Variants in TPPP3 observed in about 807,000 individuals in gnomAD.
The protein encoded by TPPP3 is tubulin polymerization promoting protein family member 3.
Under a neutral mutation model 13.1 loss-of-function variants are expected in TPPP3, and 7 were observed. That is an observed-to-expected ratio of 0.54 (90% CI 0.30 to 1.01). The LOEUF is 1.01. Among genes scored for constraint, TPPP3 ranks in the 50% least tolerant of loss-of-function variants. The pLI is 0.06. For missense variants in TPPP3, 185 were observed against 235.0 expected (o/e 0.79, Z 1.39); for synonymous variants, 87 against 93.7 (o/e 0.93, Z 0.41).
Position 67,390,245 on chromosome 16 carries a change from T to C in TPPP3, c.460A>G (p.Ile154Val). The part of the protein sequence containing the change: ...KGKGIAGRQD[I>V]LDDSGYVSAY... ...CTCACGTAGCCACTGTCGTCCAGGA[T>C]GTCCTGCCGTCCCGCAATGCCCTTG... Residue 154 changes from isoleucine to valine, a missense_variant, in exon 4 of 4, where the codon ATC becomes GTC. By Grantham distance (29) the Ile-to-Val change is conservative (BLOSUM62 3). Coordinates refer to ENST00000393957, the MANE Select transcript of TPPP3 (RefSeq NM_015964.4). The surrounding 1 kb of genome is among the most constrained non-coding windows in gnomAD (Gnocchi z 6.4). 6.2e-7 allele frequency: 1 copy of C among 1,614,234 alleles called. No individual in the cohort carries two copies. Among genetic ancestry groups the C allele is most frequent in the Non-Finnish European group, 8.5e-7 (1 of 1,180,036 alleles).
rs1368386227 is a variant in TPPP3 at position 67,393,073 on chromosome 16, C to T, written c.-7+307G>A. ...AAAGATGGATTCTTGGTCATCTCAG[C>T]GCGGTCAGGTGGCGCTGGGTTGCAG... On this transcript the variant is annotated intron_variant, in intron 1 of 3. Coordinates refer to ENST00000393957, the MANE Select transcript of TPPP3 (RefSeq NM_015964.4). The surrounding 1 kb of genome is among the most constrained non-coding windows in gnomAD (Gnocchi z 5.4). 6 of 978,566 alleles carry T rather than the reference C, an allele frequency of 6.1e-6. No individual in the cohort carries two copies. The highest frequency in any genetic ancestry group is 6.1e-6 in the Non-Finnish European group (5 of 823,790). 60.6% of individuals were successfully genotyped at this position (978,566 alleles called of 1,614,324 possible).
In TPPP3 at chr16:67,391,436, G is replaced by A; in HGVS notation, c.-6-319C>T. ...CTGTTAGGGCAGCAGCTGGGGCCCT[G>A]GCTTTGTCTGGCCCTGGCACAAGGC... is the stretch of plus-strand genomic sequence containing the variant. On this transcript the variant is annotated intron_variant, in intron 1 of 3. Transcript: ENST00000393957. This position sits in a 1 kb window ranked among gnomAD's most constrained non-coding sequence, Gnocchi z 6.3. The A allele has an allele frequency of 3.9e-6, 1 of 255,646 alleles. No homozygotes were observed. Among genetic ancestry groups the A allele is most frequent in the Non-Finnish European group, 7.5e-6 (1 of 133,168 alleles). The allele number at this position is 255,646 out of a possible 1,614,324, so 15.8% of individuals were successfully genotyped here. A position where few individuals can be genotyped will look rare whatever the true frequency, so the allele number is the denominator to read the frequency against.
In TPPP3 at chr16:67,392,363, A is replaced by C. The variant is rs577770338; in HGVS notation, c.-7+1017T>G. Among the ~76,000 whole-genome samples, 1 of 151,318 alleles carries C rather than the reference A, an allele frequency of 6.6e-6. No homozygotes were observed. The highest frequency in any genetic ancestry group is 2.0e-4 in the East Asian group (1 of 5,120). ...ACCCCTGGCCACACCCTGAGCCTAC[A>C]CAGCAGCCTTCTCCATCCCCACACC... On this transcript the variant is annotated intron_variant, in intron 1 of 3. Coordinates refer to ENST00000393957, the MANE Select transcript of TPPP3 (RefSeq NM_015964.4). This position sits in a 1 kb window ranked among gnomAD's most constrained non-coding sequence, Gnocchi z 4.9.
chr16:67,392,647 C>T lies in TPPP3; in HGVS notation c.-7+733G>A, dbSNP rs1043211782. Among the ~76,000 whole-genome samples, 4 of 152,128 alleles carry T rather than the reference C, an allele frequency of 2.6e-5. No homozygotes were observed. The highest frequency in any genetic ancestry group is 2.6e-4 in the Admixed American group (4 of 15,274). ...GGAGATCCCCTGCGTAGAGACCTCC[C>T]CACCACATCCCCCTCCTCCACTGCC... On this transcript the variant is annotated intron_variant, in intron 1 of 3. Coordinates refer to ENST00000393957, the MANE Select transcript of TPPP3 (RefSeq NM_015964.4). This position sits in a 1 kb window ranked among gnomAD's most constrained non-coding sequence, Gnocchi z 4.9.
At position 67,390,943 on chromosome 16, in the gene TPPP3, T is replaced by C. The variant is rs988062679; in HGVS notation, c.169A>G (p.Ile57Val). The change falls in exon 2 of 4, where the codon ATC becomes GTC. Residue 57 changes from isoleucine to valine, a missense_variant. Coordinates refer to ENST00000393957, the MANE Select transcript of TPPP3 (RefSeq NM_015964.4). This position sits in a 1 kb window ranked among gnomAD's most constrained non-coding sequence, Gnocchi z 6.4. ...GKSVTGTDVD[I>V]VFSKVKGKSA... Reference sequence around the variant, plus strand: ...GCTCACTTGACTTTGGAGAAGACGATGTCCACATCGGTCCCTGTCACGGAC... The same window carrying C: ...GCTCACTTGACTTTGGAGAAGACGACGTCCACATCGGTCCCTGTCACGGAC... The C allele has an allele frequency of 1.2e-6, 2 of 1,614,006 alleles. No individual in the cohort carries two copies. The highest frequency in any genetic ancestry group is 2.7e-5 in the African/African-American group (2 of 74,928).
rs568157394 is a variant in TPPP3, at chr16:67,391,274, C to T, written c.-6-157G>A. 1.1e-4 allele frequency: 82 copies of T among 727,104 alleles called. No homozygotes were observed. Among genetic ancestry groups the T allele is most frequent in the African/African-American group, 6.2e-4 (35 of 56,394 alleles). The allele number at this position is 727,104 out of a possible 1,614,324, so 45.0% of individuals were successfully genotyped here. ...CCTGGGGAGAGGGGCCCGTCACTGT[C>T]GCCCTGGGCCACAGAGCCCCAAGGA... On this transcript the variant is annotated intron_variant, in intron 1 of 3. Coordinates refer to ENST00000393957, the MANE Select transcript of TPPP3 (RefSeq NM_015964.4). This position sits in a 1 kb window ranked among gnomAD's most constrained non-coding sequence, Gnocchi z 6.3.
Position 67,393,492 on chromosome 16 carries a change from T to C in TPPP3, c.-119A>G. ...GCTCCGCTCCCTGCCGGCTCCCGGGTGGGACTGCAGCCCAGGCGGCTCCGC... is the reference window on the plus strand; with the variant it reads ...GCTCCGCTCCCTGCCGGCTCCCGGGCGGGACTGCAGCCCAGGCGGCTCCGC... On this transcript the variant is annotated 5_prime_UTR_variant, in exon 1 of 4. Coordinates refer to ENST00000393957, the MANE Select transcript of TPPP3 (RefSeq NM_015964.4). The surrounding 1 kb of genome is among the most constrained non-coding windows in gnomAD (Gnocchi z 5.4). 1.0e-6 allele frequency: 1 copy of C among 985,396 alleles called. No homozygotes were observed. Among genetic ancestry groups the C allele is most frequent in the Non-Finnish European group, 1.2e-6 (1 of 830,002 alleles). 61.0% of individuals were successfully genotyped at this position (985,396 alleles called of 1,614,324 possible). A position where few individuals can be genotyped will look rare whatever the true frequency, so the allele number is the denominator to read the frequency against.
Position 67,390,659 on chromosome 16 carries a change from G to T in TPPP3, c.189-27C>A, listed in dbSNP as rs1408734194. The T allele has an allele frequency of 1.3e-6, 2 of 1,586,642 alleles. No individual in the cohort carries two copies. The highest frequency in any genetic ancestry group is 1.7e-6 in the Non-Finnish European group (2 of 1,169,562). Reference sequence around the variant, plus strand: ...TGACAGGCATGTGGGCACCATGAGGGTTCCCCTTTCTTTTTTCTCCCCCAG... The same window carrying T: ...TGACAGGCATGTGGGCACCATGAGGTTTCCCCTTTCTTTTTTCTCCCCCAG... On this transcript the variant is annotated intron_variant, in intron 2 of 3. Coordinates refer to ENST00000393957, the MANE Select transcript of TPPP3 (RefSeq NM_015964.4). This position sits in a 1 kb window ranked among gnomAD's most constrained non-coding sequence, Gnocchi z 6.4.
At position 67,392,420 on chromosome 16, in the gene TPPP3, A is replaced by C. The variant is rs1276430341; in HGVS notation, c.-7+960T>G. On this transcript the variant is annotated intron_variant, in intron 1 of 3. Coordinates refer to ENST00000393957, the MANE Select transcript of TPPP3 (RefSeq NM_015964.4). The surrounding 1 kb of genome is among the most constrained non-coding windows in gnomAD (Gnocchi z 4.9). ...CCTGGGGCTGAGGCCCCTGGCCACA[A>C]ACCTGCATCCCTTCCTGAGACCCCT... Among the ~76,000 whole-genome samples the C allele has an allele frequency of 6.6e-6, 1 of 151,388 alleles. No homozygotes were observed. Among genetic ancestry groups the C allele is most frequent in the Admixed American group, 6.6e-5 (1 of 15,236 alleles).
rs191099702 is a variant in TPPP3, at chr16:67,392,467, C to G, written c.-7+913G>C. 6.6e-6 allele frequency among the ~76,000 whole-genome samples: 1 copy of G among 152,002 alleles called. No individual in the cohort carries two copies. Among genetic ancestry groups the G allele is most frequent in the Non-Finnish European group, 1.5e-5 (1 of 67,968 alleles). On this transcript the variant is annotated intron_variant, in intron 1 of 3. Transcript: ENST00000393957. This position sits in a 1 kb window ranked among gnomAD's most constrained non-coding sequence, Gnocchi z 4.9. ...CCCTGACCATAGCCTCAGCCACTCA[C>G]CCCCTCCAATACCCGCAGCCCTTTA...
In TPPP3 at chr16:67,390,099, T is replaced by G; in HGVS notation, c.*75A>C. Reference sequence around the variant, plus strand: ...CAGGGAGGGGACCAGGATCTCTTGCTCCACGTGCCCCTTAGACCCAGGCCT... The same window carrying G: ...CAGGGAGGGGACCAGGATCTCTTGCGCCACGTGCCCCTTAGACCCAGGCCT... On this transcript the variant is annotated 3_prime_UTR_variant, in exon 4 of 4. Coordinates refer to ENST00000393957, the MANE Select transcript of TPPP3 (RefSeq NM_015964.4). This position sits in a 1 kb window ranked among gnomAD's most constrained non-coding sequence, Gnocchi z 6.4. 6.7e-7 allele frequency: 1 copy of G among 1,483,138 alleles called. No homozygotes were observed. Among genetic ancestry groups the G allele is most frequent in the Non-Finnish European group, 9.2e-7 (1 of 1,088,256 alleles). 91.9% of individuals were successfully genotyped at this position (1,483,138 alleles called of 1,614,324 possible).
At position 67,390,557 on chromosome 16, in the gene TPPP3, C is replaced by T; in HGVS notation, c.264G>A (p.Lys88=). The T allele has an allele frequency of 3.7e-6, 6 of 1,614,050 alleles. No individual in the cohort carries two copies. The highest frequency in any genetic ancestry group is 3.4e-6 in the Non-Finnish European group (4 of 1,180,030). ...CGAAGGCCTCCTCCTTGCTCTTCCC[C>T]TTGAATCTCTTGGTCGCCAGCTCTT... is the stretch of plus-strand genomic sequence containing the variant. ...ALEELATKRF[K]GKSKEEAFDA... is the part of the protein sequence containing the mutation. The change falls in exon 3 of 4, where the codon AAG becomes AAA. Residue 88 remains lysine (K), a synonymous_variant. Transcript: ENST00000393957. The surrounding 1 kb of genome is among the most constrained non-coding windows in gnomAD (Gnocchi z 6.4).
In TPPP3 at chr16:67,391,030, G is replaced by GC; in HGVS notation, c.81dup (p.Gln28AlafsTer19). 1 of 1,614,226 alleles carries GC rather than the reference G, an allele frequency of 6.2e-7. No homozygotes were observed. On this transcript the variant is annotated frameshift_variant, in exon 2 of 4. Transcript: ENST00000393957. LOFTEE classifies it high-confidence loss of function. The surrounding 1 kb of genome is among the most constrained non-coding windows in gnomAD (Gnocchi z 6.3). ...GCCCAGTTCTTGCCATTCATCTCTT[G>GC]CCCACTGGCCTTGGGGTCACCATGG... is the stretch of plus-strand genomic sequence containing the variant.
chr16:67,390,018 G>A lies in TPPP3; in HGVS notation c.*156C>T, dbSNP rs907635204. The A allele has an allele frequency of 4.5e-5, 33 of 739,736 alleles. 1 individual carries two copies. Among genetic ancestry groups the A allele is most frequent in the Non-Finnish European group, 6.5e-6 (3 of 462,730 alleles). 45.8% of individuals were successfully genotyped at this position (739,736 alleles called of 1,614,324 possible). Reference sequence around the variant, plus strand: ...GGGCCGCAGAGCAGCCTGGGTCAGAGGCCTGGTGGGCCAGCCCAGTGGGAC... The same window carrying A: ...GGGCCGCAGAGCAGCCTGGGTCAGAAGCCTGGTGGGCCAGCCCAGTGGGAC... On this transcript the variant is annotated 3_prime_UTR_variant, in exon 4 of 4. Coordinates refer to ENST00000393957, the MANE Select transcript of TPPP3 (RefSeq NM_015964.4). This position sits in a 1 kb window ranked among gnomAD's most constrained non-coding sequence, Gnocchi z 6.4.
At position 67,393,085 on chromosome 16, in the gene TPPP3, G is replaced by C; in HGVS notation, c.-7+295C>G. On this transcript the variant is annotated intron_variant, in intron 1 of 3. Coordinates refer to ENST00000393957, the MANE Select transcript of TPPP3 (RefSeq NM_015964.4). The surrounding 1 kb of genome is among the most constrained non-coding windows in gnomAD (Gnocchi z 5.4). Reference sequence around the variant, plus strand: ...TTGGTCATCTCAGCGCGGTCAGGTGGCGCTGGGTTGCAGGCCGCAGCCCCA... The same window carrying C: ...TTGGTCATCTCAGCGCGGTCAGGTGCCGCTGGGTTGCAGGCCGCAGCCCCA... The C allele has an allele frequency of 1.0e-6, 1 of 964,366 alleles. No homozygotes were observed. The highest frequency in any genetic ancestry group is 1.2e-6 in the Non-Finnish European group (1 of 810,712). The allele number at this position is 964,366 out of a possible 1,614,324, so 59.7% of individuals were successfully genotyped here.
In TPPP3 at chr16:67,393,495, G is replaced by A. The variant is rs2040356084; in HGVS notation, c.-122C>T. 1.0e-6 allele frequency: 1 copy of A among 985,418 alleles called. No individual in the cohort carries two copies. The highest frequency in any genetic ancestry group is 6.1e-5 in the Admixed American group (1 of 16,272). 61.0% of individuals were successfully genotyped at this position (985,418 alleles called of 1,614,324 possible). A position where few individuals can be genotyped will look rare whatever the true frequency, so the allele number is the denominator to read the frequency against. ...CCGCTCCCTGCCGGCTCCCGGGTGG[G>A]ACTGCAGCCCAGGCGGCTCCGCCGT... is the stretch of plus-strand genomic sequence containing the variant. On this transcript the variant is annotated 5_prime_UTR_variant, in exon 1 of 4. Coordinates refer to ENST00000393957, the MANE Select transcript of TPPP3 (RefSeq NM_015964.4). This position sits in a 1 kb window ranked among gnomAD's most constrained non-coding sequence, Gnocchi z 5.4.
Position 67,393,495 on chromosome 16 carries a change from G to T in TPPP3, c.-122C>A, listed in dbSNP as rs2040356084. On this transcript the variant is annotated 5_prime_UTR_variant, in exon 1 of 4. Coordinates refer to ENST00000393957, the MANE Select transcript of TPPP3 (RefSeq NM_015964.4). The surrounding 1 kb of genome is among the most constrained non-coding windows in gnomAD (Gnocchi z 5.4). ...CCGCTCCCTGCCGGCTCCCGGGTGG[G>T]ACTGCAGCCCAGGCGGCTCCGCCGT... 1.0e-6 allele frequency: 1 copy of T among 985,536 alleles called. No individual in the cohort carries two copies. Among genetic ancestry groups the T allele is most frequent in the African/African-American group, 1.7e-5 (1 of 57,368 alleles). 61.0% of individuals were successfully genotyped at this position (985,536 alleles called of 1,614,324 possible). A position where few individuals can be genotyped will look rare whatever the true frequency, so the allele number is the denominator to read the frequency against.
chr16:67,390,633 CT>C lies in TPPP3; in HGVS notation c.189-2del. ...GTTGATGACCCGAGCAGACTTCCCCCTGACAGGCATGTGGGCACCATGAGGG... is the reference window on the plus strand; with the variant it reads ...GTTGATGACCCGAGCAGACTTCCCCCGACAGGCATGTGGGCACCATGAGGG... On this transcript the variant is annotated splice_acceptor_variant, in intron 2 of 3. Coordinates refer to ENST00000393957, the MANE Select transcript of TPPP3 (RefSeq NM_015964.4). LOFTEE classifies it high-confidence loss of function. This position sits in a 1 kb window ranked among gnomAD's most constrained non-coding sequence, Gnocchi z 6.4. 6.2e-7 allele frequency: 1 copy of C among 1,611,940 alleles called. No individual in the cohort carries two copies. The highest frequency in any genetic ancestry group is 1.1e-5 in the South Asian group (1 of 90,878).
rs1187690115 is a variant in TPPP3, at chr16:67,390,763, G to T, written c.189-131C>A. 1 of 1,448,246 alleles carries T rather than the reference G, an allele frequency of 6.9e-7. No homozygotes were observed. The highest frequency in any genetic ancestry group is 9.2e-7 in the Non-Finnish European group (1 of 1,081,804). The allele number at this position is 1,448,246 out of a possible 1,614,324, so 89.7% of individuals were successfully genotyped here. On this transcript the variant is annotated intron_variant, in intron 2 of 3. Transcript: ENST00000393957. This position sits in a 1 kb window ranked among gnomAD's most constrained non-coding sequence, Gnocchi z 6.4. ...TCCCACGTTTGGGGAAGTCGCAGGG[G>T]TCAGCAACTCTGGAGGGCAATAGAT... is the stretch of plus-strand genomic sequence containing the variant.
Sources: allele counts gnomAD v4.1 joint callset (sites outside exome capture counted in the v4.1 genomes callset), GRCh38; gene constraint gnomAD v4.1.1; non-coding constraint Gnocchi (gnomAD v3.1); transcripts MANE v1.5; gene names NCBI Gene and HGNC (gene_info 2026-07-23, HGNC 2026-07-21).